Variants in IL1RAPL2 observed in about 807,000 individuals in gnomAD.
IL1RAPL2 encodes X-linked interleukin-1 receptor accessory protein-like 2.
In IL1RAPL2, 3 loss-of-function variants were observed where a neutral mutation model predicts 44.1. The observed-to-expected ratio is 0.07, with a 90% confidence interval of 0.03 to 0.18. IL1RAPL2 has a LOEUF of 0.18. Among genes scored for constraint, IL1RAPL2 ranks in the 10% least tolerant of loss-of-function variants. The pLI is 1.00. For synonymous variants in IL1RAPL2, 181 were observed against 178.8 expected, an observed-to-expected ratio of 1.01 and a Z score of -0.10; for missense variants, 391 against 496.4, an observed-to-expected ratio of 0.79 and a Z score of 2.02.
intron 5 of IL1RAPL2, among the ~76,000 whole-genome samples, chrX:105,375,189 C>T (rs775028243): frequency 3.9e-4 from 43 of 110,244 alleles, no homozygotes; most frequent in African/African-American, 1.4e-3. Context: ...GTCCCTAGGC[C>T]AGTCAGACTT....
chrX:104,734,650 A>T (rs1931981566), intron 2 of IL1RAPL2, among the ~76,000 whole-genome samples: 1 of 111,781 alleles, frequency 8.9e-6, no homozygotes, highest in Non-Finnish European at 1.9e-5. Flanking sequence ...GAGTGTGACT[A>T]CAAAGGGATG....
chrX:104,828,601 G>GA (rs1299950006), intron 2 of IL1RAPL2, among the ~76,000 whole-genome samples: 2 of 57 alleles, frequency 0.035, no homozygotes, highest in African/African-American at 0.25. Flanking sequence ...CTGGAGACAA[G>GA]GGGTCAGGGA....
chrX:105,748,987 G>T lies in IL1RAPL2; in HGVS notation c.1076G>T (p.Gly359Val). 3 of 1,209,129 alleles carry T rather than the reference G, an allele frequency of 2.5e-6. No individual in the cohort carries two copies. The highest frequency in any genetic ancestry group is 3.4e-6 in the Non-Finnish European group (3 of 893,800). ...TTAATCTATAAAATTGAGCTTGCAG[G>T]GGGCCTGGGAGCAATCTTCCTCCTC... ...KDLIYKIELA[G>V]GLGAIFLLLV... is the part of the protein sequence containing the mutation. The change falls in exon 9 of 11, where the codon GGG becomes GTG. Residue 359 changes from glycine to valine, a missense_variant. Physicochemically the swap from Gly to Val is moderately radical, Grantham distance 109. Around this residue, in one of 2 missense-constraint regions of IL1RAPL2, gnomAD observed 232 missense variants for 244.8 expected, o/e 0.95. Coordinates refer to ENST00000372582, the MANE Select transcript of IL1RAPL2 (RefSeq NM_017416.2).
rs554602758 is a variant in IL1RAPL2 at position 105,504,401 on chromosome X, C to T, written c.772+20014C>T. Among the ~76,000 whole-genome samples the T allele has an allele frequency of 1.8e-3, 197 of 111,431 alleles. No individual in the cohort carries two copies. The South Asian group carries it at 0.018, about 10-fold the overall frequency. ...AGTATTATTATTTTTTCTTTCCTAT[C>T]TTAAGTCCATAGGGCTTACTCATTT... On this transcript the variant is annotated intron_variant, in intron 6 of 10. Transcript: ENST00000372582.
At chrX:104,607,860 C>A (rs371296231) in intron 1 of IL1RAPL2, among the ~76,000 whole-genome samples, 1 of 111,685 alleles carries the variant, frequency 9.0e-6, no homozygotes. Flanking sequence ...ACCATTTGAC[C>A]CAGCAATCCC....
chrX:105,418,669 TTATA>T (rs2035751853), intron 5 of IL1RAPL2, among the ~76,000 whole-genome samples: 1 of 111,921 alleles, frequency 8.9e-6, no homozygotes, highest in Non-Finnish European at 1.9e-5. Context: ...ACCACTGCAA[TTATA>T]CTAAACATAG....
At chrX:105,249,164 T>TA (rs1279844235) in intron 4 of IL1RAPL2, among the ~76,000 whole-genome samples, 3 of 110,964 alleles carry the variant, frequency 2.7e-5, no homozygotes, top group Admixed American at 9.6e-5. Flanking sequence ...TATTCAGCCA[T>TA]AAAAAAAGAG....
chrX:105,166,332 A>G (rs963130766), intron 2 of IL1RAPL2, among the ~76,000 whole-genome samples: 6 of 111,722 alleles, frequency 5.4e-5, no homozygotes, highest in African/African-American at 1.9e-4. Flanking sequence ...TGAAAAATGA[A>G]GGAATAAATA....
intron 2 of IL1RAPL2, among the ~76,000 whole-genome samples, chrX:104,848,409 G>GTATATATATATATATA (rs35503754): frequency 1.5e-5 from 1 of 64,906 alleles, no homozygotes; most frequent in Non-Finnish European, 2.8e-5. Context: ...ATTTTTATCT[G>GTATATATATATATATA]TATATATATA....
At chrX:105,632,403 T>C (rs1328207930) in intron 6 of IL1RAPL2, among the ~76,000 whole-genome samples, 1 of 111,838 alleles carries the variant, frequency 8.9e-6, no homozygotes, top group East Asian at 2.8e-4. Context: ...TTTGGCCTGC[T>C]TGAGAGACCA....
intron 1 of IL1RAPL2, among the ~76,000 whole-genome samples, chrX:104,599,823 G>A (rs1172182075): frequency 9.0e-6 from 1 of 111,336 alleles, no homozygotes; most frequent in Non-Finnish European, 1.9e-5. Context: ...TGACGAGGGA[G>A]TCTTTAAGTT....
chrX:105,462,326 C>G (rs943843783), intron 5 of IL1RAPL2, among the ~76,000 whole-genome samples: 2 of 110,882 alleles, frequency 1.8e-5, no homozygotes, highest in Admixed American at 9.6e-5. Flanking sequence ...CCACTGAAGC[C>G]CATTTCATGA....
At chrX:105,569,765 ATACACTCT>A (rs1365725504) in intron 6 of IL1RAPL2, among the ~76,000 whole-genome samples, 3 of 111,306 alleles carry the variant, frequency 2.7e-5, no homozygotes, top group African/African-American at 9.8e-5. Context: ...TGACTTATAG[ATACACTCT>A]TTCTATGGGA....
intron 2 of IL1RAPL2, among the ~76,000 whole-genome samples, chrX:104,979,070 A>C (rs1052443767): frequency 9.0e-6 from 1 of 111,514 alleles, no homozygotes; most frequent in Admixed American, 9.6e-5. Context: ...AAAAAGTGAT[A>C]AATAAGGATT....
At chrX:104,996,862 ATGC>A (rs2030757765) in intron 2 of IL1RAPL2, among the ~76,000 whole-genome samples, 1 of 111,600 alleles carries the variant, frequency 9.0e-6, no homozygotes, top group Admixed American at 9.5e-5. Flanking sequence ...GGTGACATTT[ATGC>A]TGAGACATAA....
chrX:104,906,702 T>G (rs1387357359), intron 2 of IL1RAPL2, among the ~76,000 whole-genome samples: 1 of 111,665 alleles, frequency 9.0e-6, no homozygotes, highest in Non-Finnish European at 1.9e-5. Flanking sequence ...GCTGGATTCG[T>G]TTTGCCAGTA....
At chrX:104,916,177 G>A (rs1247870451) in intron 2 of IL1RAPL2, among the ~76,000 whole-genome samples, 7 of 111,607 alleles carry the variant, frequency 6.3e-5, no homozygotes, top group African/African-American at 9.8e-5. Flanking sequence ...CCATTTTCAC[G>A]ATATTGATTC....
intron 5 of IL1RAPL2, among the ~76,000 whole-genome samples, chrX:105,355,664 A>G (rs1265372729): frequency 3.6e-5 from 4 of 111,457 alleles, no homozygotes; most frequent in Non-Finnish European, 7.5e-5. Context: ...TGTAATCTGT[A>G]TGAATCAAAA....
At chrX:104,888,748 C>A (rs1189344408) in intron 2 of IL1RAPL2, among the ~76,000 whole-genome samples, 2 of 109,782 alleles carry the variant, frequency 1.8e-5, no homozygotes, top group Non-Finnish European at 3.8e-5. Context: ...TCTTTACCAA[C>A]TTAACCTACT....
Sources: gnomAD v4.1 joint callset for allele counts (sites outside exome capture counted in the v4.1 genomes callset) on GRCh38, gnomAD v4.1.1 for gene constraint, gnomAD v4.1.1 regional missense constraint, MANE v1.5 for transcripts, NCBI Gene and HGNC (gene_info 2026-07-23, HGNC 2026-07-21) for gene names.